Variants in ETV3 observed in about 807,000 individuals in gnomAD.
The protein encoded by ETV3 is ETS variant transcription factor 3.
In ETV3, 8 loss-of-function variants were observed where a neutral mutation model predicts 33.0. The ratio of observed to expected loss-of-function variants is 0.24; its 90% CI spans 0.14 to 0.44. The LOEUF is 0.44. ETV3 is among the 20% of genes least tolerant of loss of function. The pLI, the probability that ETV3 is intolerant of heterozygous loss-of-function variation, is 1.00. For synonymous variants in ETV3, 222 were observed against 238.9 expected (o/e 0.93, Z 0.65); for missense variants, 473 against 652.3 (o/e 0.73, Z 2.99).
intron 1 of ETV3, among the ~76,000 whole-genome samples, chr1:157,136,954 G>A (rs759975603): frequency 3.8e-4 from 58 of 152,206 alleles, no homozygotes; most frequent in Non-Finnish European, 7.1e-4. Flanking sequence ...GATACAGGAA[G>A]TAAACACACC....
chr1:157,124,938 T>C lies in ETV3; in HGVS notation c.1442A>G (p.Asn481Ser). 6.4e-7 allele frequency: 1 copy of C among 1,551,798 alleles called. No homozygotes were observed. Among genetic ancestry groups the C allele is most frequent in the East Asian group, 2.4e-5 (1 of 40,922 alleles). Residue 481 changes from asparagine to serine, a missense_variant, in exon 5 of 5, where the codon AAT becomes AGT. By Grantham distance (46) the Asn-to-Ser change is conservative. Coordinates refer to ENST00000368192, the MANE Select transcript of ETV3 (RefSeq NM_001145312.3). ...CAGCTCTCGGGCTTCAGGGTCATCA[T>C]TCCAGCGCCGCTTCAACCGAAGCTT... ...PPKLRLKRRW[N>S]DDPEARELSK...
intron 4 of ETV3, among the ~76,000 whole-genome samples, chr1:157,132,262 G>T (rs1401133950): frequency 6.6e-6 from 1 of 152,196 alleles, no homozygotes; most frequent in East Asian, 1.9e-4. Context: ...GTGGCTTTTT[G>T]ATTAGGATCT....
intron 4 of ETV3, chr1:157,128,657 G>A (rs1309219958): frequency 1.0e-5 from 2 of 196,558 alleles, no homozygotes; most frequent in Non-Finnish European, 2.2e-5. Flanking sequence ...TCTCAAAAAA[G>A]CTACTAATGG....
At chr1:157,128,268 CTTTT>C (rs1037301551) in intron 4 of ETV3, 1 of 149,776 alleles carries the variant, frequency 6.7e-6, no homozygotes, top group Non-Finnish European at 1.5e-5. Flanking sequence ...TTCTGCAGGA[CTTTT>C]TTTTTTTTAA....
At position 157,124,769 on chromosome 1, in the gene ETV3, C is replaced by CCCAAAAT; in HGVS notation, c.*71_*72insATTTTGG. ...CCAGTTTAACTCCCTCCCCCCCACC[C>CCCAAAAT]TGAAATCTTGCTACATAAATACATG... is the stretch of plus-strand genomic sequence containing the variant. On this transcript the variant is annotated 3_prime_UTR_variant, in exon 5 of 5. Transcript: ENST00000368192. The CCCAAAAT allele has an allele frequency of 1.4e-6, 1 of 694,886 alleles. No individual in the cohort carries two copies. Among genetic ancestry groups the CCCAAAAT allele is most frequent in the South Asian group, 4.8e-5 (1 of 20,888 alleles). The allele number at this position is 694,886 out of a possible 1,614,324, so 43.0% of individuals were successfully genotyped here. A position where few individuals can be genotyped will look rare whatever the true frequency, so the allele number is the denominator to read the frequency against.
In ETV3 at chr1:157,125,504, G is replaced by T. The variant is rs367835241; in HGVS notation, c.876C>A (p.Ser292=). The T allele has an allele frequency of 5.6e-5, 87 of 1,552,224 alleles. 1 individual carries two copies. In the African/African-American group the frequency reaches 6.3e-4, roughly 11 times the overall value. Residue 292 remains serine (S), a synonymous_variant, in exon 5 of 5, where the codon TCC becomes TCA. Transcript: ENST00000368192. The surrounding 1 kb of genome is among the most constrained non-coding windows in gnomAD (Gnocchi z 4.0). ...LSPFTSSSCF[S]FNPEEMKHYL... ...AGTGTTTCATTTCCTCAGGGTTGAA[G>T]GAGAAGCAGCTGCTGCTGGTGAAAG...
At chr1:157,129,646 C>A (rs1674924137) in intron 4 of ETV3, among the ~76,000 whole-genome samples, 3 of 152,138 alleles carry the variant, frequency 2.0e-5, no homozygotes, top group African/African-American at 4.8e-5. Context: ...GGGTCCCAGG[C>A]CAAATGTATT....
chr1:157,136,636 T>G (rs1280936883), intron 1 of ETV3, among the ~76,000 whole-genome samples: 1 of 152,124 alleles, frequency 6.6e-6, no homozygotes, highest in Non-Finnish European at 1.5e-5. Context: ...GTTTTCCTCC[T>G]CCTGACCAAC....
chr1:157,129,196 A>G (rs898153389), intron 4 of ETV3, among the ~76,000 whole-genome samples: 1 of 152,246 alleles, frequency 6.6e-6, no homozygotes, highest in African/African-American at 2.4e-5. Flanking sequence ...ATCTGTATCT[A>G]AAGTGATTTC....
intron 4 of ETV3, among the ~76,000 whole-genome samples, chr1:157,128,034 A>G (rs1240710076): frequency 6.6e-6 from 1 of 152,216 alleles, no homozygotes; most frequent in Non-Finnish European, 1.5e-5. Flanking sequence ...AAAAAATAGA[A>G]AAAAACAAAA....
intron 4 of ETV3, among the ~76,000 whole-genome samples, chr1:157,131,340 G>A (rs1342566438): frequency 6.6e-6 from 1 of 152,170 alleles, no homozygotes; most frequent in Non-Finnish European, 1.5e-5. Flanking sequence ...ACACAGACCA[G>A]AATACCCCAA....
Position 157,125,918 on chromosome 1 carries a change from A to G in ETV3, c.462T>C (p.Pro154=). ...CATTGGTTGGAGAATGGGTGTCCAG[A>G]GGTGGGAAATGGAACCGGGAAGAGG... ...PTASSRFHFP[P]LDTHSPTNDV... The change falls in exon 5 of 5, where the codon CCT becomes CCC. Residue 154 remains proline, a synonymous_variant. Transcript: ENST00000368192. The surrounding 1 kb of genome is among the most constrained non-coding windows in gnomAD (Gnocchi z 4.0). The G allele has an allele frequency of 1.3e-6, 2 of 1,551,742 alleles. No homozygotes were observed. The highest frequency in any genetic ancestry group is 1.7e-6 in the Non-Finnish European group (2 of 1,147,002).
intron 4 of ETV3, among the ~76,000 whole-genome samples, chr1:157,127,053 T>C (rs901007449): frequency 2.0e-5 from 3 of 152,228 alleles, no homozygotes; most frequent in Admixed American, 6.5e-5. Flanking sequence ...CTGCCCTGGC[T>C]GACTGCACCT....
chr1:157,132,154 G>A (rs1325651539), intron 4 of ETV3, among the ~76,000 whole-genome samples: 2 of 152,146 alleles, frequency 1.3e-5, no homozygotes, highest in African/African-American at 4.8e-5. Context: ...CCCCATGTTG[G>A]CCAGGCTGGT....
chr1:157,133,700 G>A (rs981854737), intron 4 of ETV3: 8 of 997,270 alleles, frequency 8.0e-6, no homozygotes, highest in South Asian at 4.5e-5. Flanking sequence ...CACTTGATAA[G>A]GGAGAGCTTG....
intron 4 of ETV3, chr1:157,133,534 G>C (rs1675022939): frequency 1.0e-6 from 1 of 985,974 alleles, no homozygotes; most frequent in Non-Finnish European, 1.2e-6. Flanking sequence ...AGTCAAGAGG[G>C]GAAGCCCTAC....
At position 157,125,923 on chromosome 1, in the gene ETV3, G is replaced by A. The variant is rs775444448; in HGVS notation, c.457C>T (p.Pro153Ser). ...VPTASSRFHFPPLDTHSPTND... is the reference protein window; with the variant it reads ...VPTASSRFHFSPLDTHSPTND... ...GTTGGAGAATGGGTGTCCAGAGGTG[G>A]GAAATGGAACCGGGAAGAGGCTGTT... The change falls in exon 5 of 5, where the codon CCA becomes TCA. Residue 153 changes from proline to serine, a missense_variant. By Grantham distance (74) the Pro-to-Ser change is moderately conservative. Transcript: ENST00000368192. This position sits in a 1 kb window ranked among gnomAD's most constrained non-coding sequence, Gnocchi z 4.0. 4 of 1,551,634 alleles carry A rather than the reference G, an allele frequency of 2.6e-6. No individual in the cohort carries two copies. Among genetic ancestry groups the A allele is most frequent in the Admixed American group, 2.0e-5 (1 of 50,980 alleles).
chr1:157,135,941 TA>T (rs1343706917), intron 2 of ETV3, among the ~76,000 whole-genome samples: 3 of 152,206 alleles, frequency 2.0e-5, no homozygotes, highest in African/African-American at 7.2e-5. Flanking sequence ...CCAGATGTCC[TA>T]AGCTGACCTT....
In ETV3 at chr1:157,121,721, CA is replaced by C. The variant is rs1674713525; in HGVS notation, c.*3119del. ...TATGGAATAAATAAAAAACAAGGGA[CA>C]AACAGCCAACTGACTCTACCCACTT... On this transcript the variant is annotated 3_prime_UTR_variant, in exon 5 of 5. Coordinates refer to ENST00000368192, the MANE Select transcript of ETV3 (RefSeq NM_001145312.3). 6.6e-6 allele frequency: 1 copy of C among 152,168 alleles called. No individual in the cohort carries two copies. The highest frequency in any genetic ancestry group is 2.4e-5 in the African/African-American group (1 of 41,438). The allele number at this position is 152,168 out of a possible 1,614,324, so 9.4% of individuals were successfully genotyped here. A position where few individuals can be genotyped will look rare whatever the true frequency, so the allele number is the denominator to read the frequency against.
Sources: allele counts gnomAD v4.1 joint callset (sites outside exome capture counted in the v4.1 genomes callset), GRCh38; gene constraint gnomAD v4.1.1; non-coding constraint Gnocchi (gnomAD v3.1); transcripts MANE v1.5; gene names NCBI Gene and HGNC (gene_info 2026-07-23, HGNC 2026-07-21).